RAPGEF2: variants seen among roughly 807,000 people sequenced by gnomAD.
The protein encoded by RAPGEF2 is Rap guanine nucleotide exchange factor 2.
Under a neutral mutation model 186.7 loss-of-function variants are expected in RAPGEF2, and 54 were observed. The observed-to-expected ratio is 0.29, with a 90% CI of 0.23 to 0.36. The LOEUF (loss-of-function observed/expected upper bound fraction) is 0.36. Among genes scored for constraint, RAPGEF2 ranks in the 10% least tolerant of loss-of-function variants. The probability of loss-of-function intolerance (pLI) is 1.00; values close to 1 mark genes in which losing one functional copy is unlikely to be tolerated. For missense variants in RAPGEF2, 1,532 were observed against 2,045.0 expected, an observed-to-expected ratio of 0.75 and a Z score of 4.84; for synonymous variants, 712 against 705.9, an observed-to-expected ratio of 1.01 and a Z score of -0.14.
chr4:159,237,366 A>C (rs1339321657), intron 4 of RAPGEF2, among the ~76,000 whole-genome samples: 1 of 152,134 alleles, frequency 6.6e-6, no homozygotes, highest in Non-Finnish European at 1.5e-5. Context: ...ACAATCAGAT[A>C]ATTATTATTA....
At chr4:159,229,880 A>G (rs1296422031) in intron 4 of RAPGEF2, among the ~76,000 whole-genome samples, 3 of 152,156 alleles carry the variant, frequency 2.0e-5, no homozygotes, top group East Asian at 3.8e-4. Flanking sequence ...GGTCTTTTCA[A>G]TAATCATTTA....
At position 159,143,297 on chromosome 4, in the gene RAPGEF2, T is replaced by C. The variant is rs375448485; in HGVS notation, c.69+39066T>C. On this transcript the variant is annotated intron_variant, in intron 1 of 29. Coordinates refer to ENST00000691494, the MANE Select transcript of RAPGEF2 (RefSeq NM_001394067.2). Reference sequence around the variant, plus strand: ...AACCAAAAAAACGAAAAAAACTTTGTTTTTTTCTTTTCTGCAATAAATTTC... The same window carrying C: ...AACCAAAAAAACGAAAAAAACTTTGCTTTTTTCTTTTCTGCAATAAATTTC... Among the ~76,000 whole-genome samples, 10 of 152,190 alleles carry C rather than the reference T, an allele frequency of 6.6e-5. No individual in the cohort carries two copies. The East Asian group carries it at 1.5e-3, about 24-fold the overall frequency.
chr4:159,225,287 ATTTT>A (rs1561107407), intron 4 of RAPGEF2, among the ~76,000 whole-genome samples: 2 of 152,212 alleles, frequency 1.3e-5, no homozygotes, highest in African/African-American at 4.8e-5. Context: ...CTCATGGTCT[ATTTT>A]AGCAAGCCAT....
chr4:159,323,721 T>TA (rs869153733), intron 11 of RAPGEF2, 104 bp downstream of exon 11: 6 of 205,398 alleles, frequency 2.9e-5, no homozygotes, highest in Non-Finnish European at 3.9e-5. Context: ...TTACAAATAA[T>TA]TTTTTTTTTT....
intron 1 of RAPGEF2, among the ~76,000 whole-genome samples, chr4:159,181,720 A>C (rs1170861343): frequency 1.3e-5 from 2 of 151,732 alleles, no homozygotes; most frequent in Non-Finnish European, 2.9e-5. Flanking sequence ...TATTTTTAGT[A>C]GAGACGGGGT....
In RAPGEF2 at chr4:159,135,703, G is replaced by A. The variant is rs188208206; in HGVS notation, c.69+31472G>A. Among the ~76,000 whole-genome samples, 72 of 152,124 alleles carry A rather than the reference G, an allele frequency of 4.7e-4. No individual in the cohort carries two copies. In the East Asian group the frequency reaches 0.014, roughly 29 times the overall value. On this transcript the variant is annotated intron_variant, in intron 1 of 29. Coordinates refer to ENST00000691494, the MANE Select transcript of RAPGEF2 (RefSeq NM_001394067.2). ...CAACCTCTGCCTCCCGGGTTCAAGC[G>A]ATTTTCCAGCCTCAGCCTCCTGAGT...
At chr4:159,173,616 T>C (rs1438682218) in intron 1 of RAPGEF2, among the ~76,000 whole-genome samples, 1 of 152,182 alleles carries the variant, frequency 6.6e-6, no homozygotes, top group Non-Finnish European at 1.5e-5. Context: ...GTTTTAACTC[T>C]ACTGATAGAG....
intron 1 of RAPGEF2, among the ~76,000 whole-genome samples, chr4:159,126,446 C>T (rs1740303860): frequency 6.6e-6 from 1 of 151,222 alleles, no homozygotes; most frequent in Non-Finnish European, 1.5e-5. Flanking sequence ...TGGCTTTTTG[C>T]ATATTTTTAG....
intron 1 of RAPGEF2, among the ~76,000 whole-genome samples, chr4:159,148,248 A>G (rs2111183243): frequency 6.6e-6 from 1 of 152,342 alleles, no homozygotes; most frequent in East Asian, 1.9e-4. Flanking sequence ...TAGTATTCAT[A>G]AAGAAATAGT....
intron 7 of RAPGEF2, among the ~76,000 whole-genome samples, chr4:159,250,544 A>T (rs1755191980): frequency 6.6e-6 from 1 of 152,236 alleles, no homozygotes; most frequent in African/African-American, 2.4e-5. Flanking sequence ...GTCTATGAGA[A>T]TAGCAATGGT....
intron 2 of RAPGEF2, among the ~76,000 whole-genome samples, chr4:159,190,644 T>C (rs1376468384): frequency 6.6e-6 from 1 of 152,170 alleles, no homozygotes; most frequent in East Asian, 1.9e-4. Context: ...TCAGAAAACT[T>C]ACAATCATGG....
At chr4:159,294,637 TC>T (rs1561227357) in intron 7 of RAPGEF2, among the ~76,000 whole-genome samples, 4 of 65,238 alleles carry the variant, frequency 6.1e-5, no homozygotes, top group African/African-American at 3.1e-4. Context: ...TTCCATTTCT[TC>T]CTTCCTTCCT....
chr4:159,247,760 T>C (rs1398110699), intron 7 of RAPGEF2, among the ~76,000 whole-genome samples: 54 of 120,008 alleles, frequency 4.5e-4, no homozygotes, highest in Non-Finnish European at 9.5e-4. Context: ...TGTTTCTTTT[T>C]TTTTTTTTTT....
chr4:159,269,545 T>C (rs1348707192), intron 7 of RAPGEF2, among the ~76,000 whole-genome samples: 1 of 152,224 alleles, frequency 6.6e-6, no homozygotes, highest in African/African-American at 2.4e-5. Context: ...TCTGTAGTCA[T>C]GATTTTCCAG....
intron 4 of RAPGEF2, among the ~76,000 whole-genome samples, chr4:159,219,518 G>T (rs1195753400): frequency 1.3e-5 from 2 of 151,920 alleles, no homozygotes; most frequent in African/African-American, 4.8e-5. Flanking sequence ...ACCACGTCCG[G>T]ATAATTTTTT....
chr4:159,121,042 A>G (rs1319815927), intron 1 of RAPGEF2, among the ~76,000 whole-genome samples: 2 of 152,134 alleles, frequency 1.3e-5, no homozygotes, highest in South Asian at 2.1e-4. Flanking sequence ...TTTAGTAGAG[A>G]CAGAGTTTCA....
At chr4:159,301,414 T>G (rs1173416408) in intron 7 of RAPGEF2, among the ~76,000 whole-genome samples, 2 of 152,160 alleles carry the variant, frequency 1.3e-5, no homozygotes, top group East Asian at 3.8e-4. Flanking sequence ...TTATCCTAAT[T>G]GGTGGGAAAA....
intron 1 of RAPGEF2, among the ~76,000 whole-genome samples, chr4:159,125,023 C>G (rs1376316208): frequency 1.3e-5 from 2 of 151,370 alleles, no homozygotes; most frequent in East Asian, 1.9e-4. Context: ...TAGTCTTTGC[C>G]TAGGTTTTTC....
intron 7 of RAPGEF2, chr4:159,266,859 G>A (rs1030346189): frequency 1.2e-5 from 2 of 168,828 alleles, no homozygotes; most frequent in East Asian, 3.0e-4. Flanking sequence ...TCCTTGCTCC[G>A]TTTTCCCACC....
Sources: gnomAD v4.1 joint callset for allele counts (sites outside exome capture counted in the v4.1 genomes callset) on GRCh38, gnomAD v4.1.1 for gene constraint, MANE v1.5 for transcripts, NCBI Gene and HGNC (gene_info 2026-07-23, HGNC 2026-07-21) for gene names.